LAMA3: variants seen among roughly 807,000 people sequenced by gnomAD.
LAMA3 encodes the protein laminin subunit alpha 3, also known as laminin subunit alpha-3.
In LAMA3, 281 loss-of-function variants were observed where a neutral mutation model predicts 402.0. The observed-to-expected ratio is 0.70, with a 90% confidence interval of 0.63 to 0.77. The LOEUF is 0.77. LAMA3 is among the 30% of genes least tolerant of loss of function. LAMA3 has a pLI of 0.00. For missense variants in LAMA3, 3,840 were observed against 4,215.5 expected (o/e 0.91, Z 2.47); for synonymous variants, 1,431 against 1,558.4 (o/e 0.92, Z 1.93).
At chr18:23,804,547 C>T (rs937000564) in intron 12 of LAMA3, among the ~76,000 whole-genome samples, 4 of 152,130 alleles carry the variant, frequency 2.6e-5, no homozygotes, top group African/African-American at 7.2e-5. Context: ...TGTAATAGAC[C>T]GATGTGATGC....
chr18:23,827,333 T>C lies in LAMA3; in HGVS notation c.2689T>C (p.Leu897=), dbSNP rs2063402968. 1.2e-6 allele frequency: 2 copies of C among 1,614,090 alleles called. No individual in the cohort carries two copies. ...TTGAAGTTGCTTACTCTACCAGCAT[T>C]TGCCAGTGACCAGATTCCCCTGTAC... ...PQENCLLYQH[L]PVTRFPCTLA... Residue 897 remains leucine (L), a synonymous_variant, in exon 23 of 75, where the codon TTG becomes CTG. Transcript: ENST00000313654.
intron 46 of LAMA3, 32 bp from the exon 47 acceptor site, chr18:23,899,256 C>T (rs754498523): frequency 6.3e-7 from 1 of 1,597,500 alleles, no homozygotes; most frequent in Admixed American, 1.7e-5. Flanking sequence ...GCCCAGAATT[C>T]CCAGTCTAAT....
intron 12 of LAMA3, among the ~76,000 whole-genome samples, chr18:23,796,749 A>G (rs1471586038): frequency 6.6e-6 from 1 of 151,992 alleles, no homozygotes. Flanking sequence ...TATATTGCCC[A>G]GGCTGATCTT....
intron 23 of LAMA3, among the ~76,000 whole-genome samples, chr18:23,832,922 T>C (rs2063514551): frequency 4.6e-5 from 7 of 152,202 alleles, no homozygotes; most frequent in Admixed American, 4.6e-4. Context: ...ATAGTGTTTT[T>C]TATATGTCAG....
intron 2 of LAMA3, among the ~76,000 whole-genome samples, chr18:23,728,118 C>A (rs945170395): frequency 2.0e-5 from 3 of 152,228 alleles, no homozygotes; most frequent in African/African-American, 7.2e-5. Flanking sequence ...CAAGTCTCTC[C>A]TCTGGCTCAG....
intron 68 of LAMA3, among the ~76,000 whole-genome samples, chr18:23,942,735 G>A (rs1298025840): frequency 4.6e-5 from 7 of 152,010 alleles, no homozygotes; most frequent in South Asian, 2.1e-4. Flanking sequence ...CCACCACCAC[G>A]CCCAGCTAAT....
chr18:23,860,554 C>T (rs1259111608), intron 34 of LAMA3, among the ~76,000 whole-genome samples: 7 of 151,430 alleles, frequency 4.6e-5, no homozygotes, highest in African/African-American at 1.2e-4. Flanking sequence ...CCACCACACC[C>T]GGCCTTCTTT....
chr18:23,947,265 G>A (rs931223491), intron 70 of LAMA3, among the ~76,000 whole-genome samples: 1 of 152,126 alleles, frequency 6.6e-6, no homozygotes, highest in Admixed American at 6.5e-5. Context: ...GCAGCCTTGG[G>A]CACCTGTCTT....
chr18:23,799,055 C>G (rs1451786046), intron 12 of LAMA3, among the ~76,000 whole-genome samples: 1 of 152,216 alleles, frequency 6.6e-6, no homozygotes, highest in Non-Finnish European at 1.5e-5. Context: ...TACTCATGCT[C>G]TCATATAACA....
Position 23,833,875 on chromosome 18 carries a change from G to A in LAMA3, c.2871G>A (p.Val957=), listed in dbSNP as rs751493670. The A allele has an allele frequency of 6.2e-7, 1 of 1,614,020 alleles. No individual in the cohort carries two copies. ...GCATCCCACAGGTTGGCCACTACGTGGTTGTGGTCGAGTATTCCACGGAGG... is the reference window on the plus strand; with the variant it reads ...GCATCCCACAGGTTGGCCACTACGTAGTTGTGGTCGAGTATTCCACGGAGG... ...RLRIPQVGHY[V]VVVEYSTEAA... Residue 957 remains valine (V), a synonymous_variant, in exon 24 of 75, where the codon GTG becomes GTA. Coordinates refer to ENST00000313654, the MANE Select transcript of LAMA3 (RefSeq NM_198129.4).
At chr18:23,854,110 C>T (rs1167968248) in intron 32 of LAMA3, among the ~76,000 whole-genome samples, 1 of 152,214 alleles carries the variant, frequency 6.6e-6, no homozygotes, top group Non-Finnish European at 1.5e-5. Flanking sequence ...TTCCCATCTG[C>T]TTTAGTGCTC....
At chr18:23,894,184 T>C in intron 42 of LAMA3, 114 bp from the exon 43 acceptor site, 3 of 826,704 alleles carry the variant, frequency 3.6e-6, no homozygotes, top group Non-Finnish European at 6.2e-6. Context: ...CACAATTACT[T>C]TTGCACCAAA....
Position 23,864,241 on chromosome 18 carries a change from A to T in LAMA3, c.4585-544A>T, listed in dbSNP as rs58920155. Among the ~76,000 whole-genome samples the T allele has an allele frequency of 4.4e-3, 628 of 141,912 alleles. 4 individuals are homozygous for T. The highest frequency in any genetic ancestry group is 0.014 in the African/African-American group (517 of 38,008). The allele number at this position is 141,912 out of a possible 152,430, so 93.1% of individuals were successfully genotyped here. ...CTTTCTTTCATTTTTTTTTTTTTTT[A>T]AAAGAGACAGGGTCTTGCCCTGTTG... On this transcript the variant is annotated intron_variant, in intron 35 of 74. Transcript: ENST00000313654.
chr18:23,839,039 C>G lies in LAMA3; in HGVS notation c.3191+161C>G, dbSNP rs1007725159. On this transcript the variant is annotated intron_variant, in intron 26 of 74. Transcript: ENST00000313654. The surrounding 1 kb of genome is among the most constrained non-coding windows in gnomAD (Gnocchi z 4.5). Reference sequence around the variant, plus strand: ...AAAGAAAAACCAGCTAAATAATTTACCCCAGCAGTTTTTCCAGAATTCCGT... The same window carrying G: ...AAAGAAAAACCAGCTAAATAATTTAGCCCAGCAGTTTTTCCAGAATTCCGT... Among the ~76,000 whole-genome samples the G allele has an allele frequency of 6.6e-6, 1 of 152,164 alleles. No homozygotes were observed. The highest frequency in any genetic ancestry group is 1.5e-5 in the Non-Finnish European group (1 of 68,018).
intron 8 of LAMA3, among the ~76,000 whole-genome samples, chr18:23,768,908 G>A (rs2062135691): frequency 6.6e-6 from 1 of 152,130 alleles, no homozygotes; most frequent in South Asian, 2.1e-4. Context: ...AACGCCACAC[G>A]TTCTCACTTT....
chr18:23,944,016 C>A, intron 69 of LAMA3, 45 bp downstream of exon 69: 1 of 1,583,182 alleles, frequency 6.3e-7, no homozygotes, highest in Non-Finnish European at 8.6e-7. Flanking sequence ...GTGTGGAATT[C>A]ACTGTTGGAG....
chr18:23,834,288 G>A (rs1456367698), intron 24 of LAMA3: 6 of 383,950 alleles, frequency 1.6e-5, no homozygotes, highest in Non-Finnish European at 3.0e-5. Context: ...ACTCAGGTGC[G>A]ATGCAATGAA....
At chr18:23,873,534 A>G (rs1321048607) in intron 38 of LAMA3, among the ~76,000 whole-genome samples, 1 of 152,226 alleles carries the variant, frequency 6.6e-6, no homozygotes, top group African/African-American at 2.4e-5. Context: ...AAAGAGTCCA[A>G]TGCCTATAGC....
chr18:23,758,544 G>T (rs781765947), intron 7 of LAMA3, 33 bp downstream of exon 7: 1 of 1,391,410 alleles, frequency 7.2e-7, no homozygotes, highest in East Asian at 2.5e-5. Flanking sequence ...GGCCACACGT[G>T]GCCTTCTCCC....
Sources: gnomAD v4.1 joint callset for allele counts (sites outside exome capture counted in the v4.1 genomes callset) on GRCh38, gnomAD v4.1.1 for gene constraint, Gnocchi (gnomAD v3.1) non-coding constraint, MANE v1.5 for transcripts, NCBI Gene and HGNC (gene_info 2026-07-23, HGNC 2026-07-21) for gene names.